PCDHGA7: variants seen among roughly 807,000 people sequenced by gnomAD.
PCDHGA7 encodes the protein protocadherin gamma-A7.
A neutral mutation model predicts 58.3 loss-of-function variants in PCDHGA7; 44 were observed. The observed-to-expected ratio is 0.75, with a 90% CI of 0.59 to 0.97. PCDHGA7 has a LOEUF of 0.97. Ranked by LOEUF, PCDHGA7 falls within the 50% of genes least tolerant of loss-of-function variation. PCDHGA7 has a pLI of 0.00. For synonymous variants in PCDHGA7, 516 were observed against 504.2 expected (o/e 1.02, Z -0.31); for missense variants, 1,266 against 1,188.7 (o/e 1.06, Z -0.96).
intron 1 of PCDHGA7, among the ~76,000 whole-genome samples, chr5:141,471,046 CT>C (rs1170588345): frequency 0.24 from 27,253 of 113,216 alleles, 2,739 homozygotes; most frequent in African/African-American, 0.39. Context: ...CCCAAGCCCT[CT>C]TTTTTTTTTT....
At chr5:141,499,300 C>G (rs2154592463) in intron 2 of PCDHGA7, among the ~76,000 whole-genome samples, 1 of 152,292 alleles carries the variant, frequency 6.6e-6, no homozygotes, top group South Asian at 2.1e-4. Context: ...ACTACCATCC[C>G]TCCTCTGAGA....
intron 3 of PCDHGA7, 137 bp from the exon 4 acceptor site, chr5:141,510,810 A>T: frequency 6.6e-7 from 1 of 1,519,768 alleles, no homozygotes; most frequent in African/African-American, 1.4e-5. Context: ...TACCTTGGTG[A>T]CCCCTATATT....
chr5:141,505,911 A>C (rs2099849083), intron 3 of PCDHGA7, among the ~76,000 whole-genome samples: 1 of 152,154 alleles, frequency 6.6e-6, no homozygotes, highest in South Asian at 2.1e-4. Flanking sequence ...CAAAGCATAG[A>C]GTTCTGGGCC....
At chr5:141,398,764 A>G in intron 1 of PCDHGA7, 2 of 1,613,924 alleles carry the variant, frequency 1.2e-6, no homozygotes, top group East Asian at 4.5e-5. Context: ...TTTAGTCCTG[A>G]CTGCCTTGGA....
intron 1 of PCDHGA7, chr5:141,420,034 C>T (rs373590502): frequency 7.8e-5 from 126 of 1,613,970 alleles, no homozygotes; most frequent in Non-Finnish European, 9.3e-5. Context: ...CTGCAGGAGA[C>T]TGCTTTGAGT....
intron 3 of PCDHGA7, chr5:141,508,275 T>G (rs1030431371): frequency 6.6e-6 from 1 of 152,138 alleles, no homozygotes. Context: ...ATCCCGGTCC[T>G]TGACCAAGGT....
rs776015544 is a variant in PCDHGA7, at chr5:141,485,125, G to C, written c.2425-9682G>C. The C allele has an allele frequency of 7.1e-7, 1 of 1,412,278 alleles. No homozygotes were observed. Among genetic ancestry groups the C allele is most frequent in the Admixed American group, 1.7e-5 (1 of 57,660 alleles). 87.5% of individuals were successfully genotyped at this position (1,412,278 alleles called of 1,614,324 possible). On this transcript the variant is annotated intron_variant, in intron 1 of 3. Transcript: ENST00000518325. The surrounding 1 kb of genome is among the most constrained non-coding windows in gnomAD (Gnocchi z 5.7). The stretch of plus-strand genomic sequence containing the variant: ...CTGCTGTGGCTGTTTGGGGCGGGTC[G>C]GCTTCATCCGCGTCTCAGGAGCAAG...
At chr5:141,492,578 G>A (rs1380328678) in intron 1 of PCDHGA7, among the ~76,000 whole-genome samples, 1 of 152,216 alleles carries the variant, frequency 6.6e-6, no homozygotes, top group Non-Finnish European at 1.5e-5. Flanking sequence ...CGAGGCGCGG[G>A]GCCAGGAGCG....
intron 1 of PCDHGA7, chr5:141,390,154 C>A: frequency 6.2e-7 from 1 of 1,614,038 alleles, no homozygotes; most frequent in African/African-American, 1.3e-5. Flanking sequence ...GTTGCACATA[C>A]AGGAAAGACG....
chr5:141,410,847 G>GTATTTT, intron 1 of PCDHGA7: 1 of 158,250 alleles, frequency 6.3e-6, no homozygotes, highest in Non-Finnish European at 1.0e-5. Flanking sequence ...TTTTGTCTTT[G>GTATTTT]TCTTTTTTTT....
At chr5:141,394,727 C>A in intron 1 of PCDHGA7, 1 of 1,613,436 alleles carries the variant, frequency 6.2e-7, no homozygotes, top group East Asian at 2.2e-5. Flanking sequence ...GAGATGCGCT[C>A]AAGCAGAGCC....
At position 141,426,001 on chromosome 5, in the gene PCDHGA7, T is replaced by C. The variant is rs553657872; in HGVS notation, c.2424+40678T>C. Among the ~76,000 whole-genome samples, 3 of 152,318 alleles carry C rather than the reference T, an allele frequency of 2.0e-5. No individual in the cohort carries two copies. In the South Asian group the frequency reaches 6.2e-4, roughly 32 times the overall value. The stretch of plus-strand genomic sequence containing the variant: ...TGAATCCCATTGAATTAGCAAAGGC[T>C]TCCGGCTGCAGTTTTCTAAATAGAC... On this transcript the variant is annotated intron_variant, in intron 1 of 3. Transcript: ENST00000518325.
Position 141,477,662 on chromosome 5 carries a change from A to G in PCDHGA7, c.2425-17145A>G. On this transcript the variant is annotated intron_variant, in intron 1 of 3. Transcript: ENST00000518325. The surrounding 1 kb of genome is among the most constrained non-coding windows in gnomAD (Gnocchi z 4.9). ...TCGCTATTTCACAATAAATCGTGAC[A>G]ATGGCATAGTGTCATCCTTAGTGCC... The G allele has an allele frequency of 6.2e-7, 1 of 1,614,222 alleles. No individual in the cohort carries two copies.
intron 1 of PCDHGA7, among the ~76,000 whole-genome samples, chr5:141,484,319 C>T (rs1191113560): frequency 6.6e-6 from 1 of 152,212 alleles, no homozygotes; most frequent in Non-Finnish European, 1.5e-5. Context: ...CGCTTCCATA[C>T]TGTCCTTGAA....
At position 141,494,781 on chromosome 5, in the gene PCDHGA7, C is replaced by A. The variant is rs145360252; in HGVS notation, c.2425-26C>A. On this transcript the variant is annotated intron_variant, in intron 1 of 3. Coordinates refer to ENST00000518325, the MANE Select transcript of PCDHGA7 (RefSeq NM_018920.4). ...ATTCTAACTTCTCACGGGTACTCAG[C>A]CCCTTTCCCTCTGTTTTCTCCACAG... 6,156 of 1,614,074 alleles carry A rather than the reference C, an allele frequency of 3.8e-3. 13 individuals are homozygous for A. Among genetic ancestry groups the A allele is most frequent in the Middle Eastern group, 8.1e-3 (49 of 6,062 alleles).
At chr5:141,402,753 A>G (rs914241458) in intron 1 of PCDHGA7, among the ~76,000 whole-genome samples, 8 of 152,326 alleles carry the variant, frequency 5.3e-5, no homozygotes, top group Admixed American at 5.2e-4. Context: ...CTCTAAGCGA[A>G]AATCAGGACT....
At position 141,399,889 on chromosome 5, in the gene PCDHGA7, G is replaced by A. The variant is rs2093912508; in HGVS notation, c.2424+14566G>A. 2.5e-6 allele frequency: 4 copies of A among 1,612,576 alleles called. No homozygotes were observed. In the African/African-American group the frequency reaches 5.3e-5, roughly 22 times the overall value. On this transcript the variant is annotated intron_variant, in intron 1 of 3. Coordinates refer to ENST00000518325, the MANE Select transcript of PCDHGA7 (RefSeq NM_018920.4). Reference sequence around the variant, plus strand: ...GCCCGGCTACCTGGTGACCAAGGTAGTGGCCGTGGACGCAGACTCAGGACA... The same window carrying A: ...GCCCGGCTACCTGGTGACCAAGGTAATGGCCGTGGACGCAGACTCAGGACA...
At chr5:141,470,858 TTTTG>T (rs775688955) in intron 1 of PCDHGA7, among the ~76,000 whole-genome samples, 79 of 151,956 alleles carry the variant, frequency 5.2e-4, no homozygotes, top group Non-Finnish European at 3.5e-4. Context: ...CAGATAAGTT[TTTTG>T]TTTGTTTGTT....
chr5:141,511,342 C>T lies in PCDHGA7; in HGVS notation c.*169C>T. On this transcript the variant is annotated 3_prime_UTR_variant, in exon 4 of 4. Transcript: ENST00000518325. The stretch of plus-strand genomic sequence containing the variant: ...AACAAGTGCCCAGTCAGCACCTACC[C>T]CTTCCCCCCCAGGGGGTTGAATATG... The T allele has an allele frequency of 7.0e-7, 1 of 1,425,078 alleles. No individual in the cohort carries two copies. Among genetic ancestry groups the T allele is most frequent in the East Asian group, 2.5e-5 (1 of 40,014 alleles). 88.3% of individuals were successfully genotyped at this position (1,425,078 alleles called of 1,614,324 possible). A position where few individuals can be genotyped will look rare whatever the true frequency, so the allele number is the denominator to read the frequency against.
Sources: gnomAD v4.1 joint callset for allele counts (sites outside exome capture counted in the v4.1 genomes callset) on GRCh38, gnomAD v4.1.1 for gene constraint, Gnocchi (gnomAD v3.1) non-coding constraint, MANE v1.5 for transcripts, NCBI Gene and HGNC (gene_info 2026-07-23, HGNC 2026-07-21) for gene names.